Variants in NINL observed in about 807,000 individuals in gnomAD.
NINL encodes the protein ninein-like protein.
Under a neutral mutation model 160.3 loss-of-function variants are expected in NINL, and 153 were observed. The ratio of observed to expected loss-of-function variants is 0.95; its 90% CI spans 0.84 to 1.09. The LOEUF (loss-of-function observed/expected upper bound fraction) is 1.09. NINL is among the 50% of genes least tolerant of loss of function. NINL has a pLI of 0.00. For synonymous variants in NINL, 800 were observed against 734.8 expected, an observed-to-expected ratio of 1.09 and a Z score of -1.43; for missense variants, 1,829 against 1,764.0, an observed-to-expected ratio of 1.04 and a Z score of -0.66.
At chr20:25,561,411 G>C (rs1180495347) in intron 1 of NINL, among the ~76,000 whole-genome samples, 4 of 152,202 alleles carry the variant, frequency 2.6e-5, no homozygotes, top group Admixed American at 6.5e-5. Context: ...CGTCTGCCTT[G>C]GCCCCCCAAA....
intron 4 of NINL, among the ~76,000 whole-genome samples, chr20:25,511,883 C>T (rs1327568134): frequency 6.6e-6 from 1 of 152,202 alleles, no homozygotes; most frequent in Non-Finnish European, 1.5e-5. Flanking sequence ...CACCTGGGGG[C>T]CCGACCTGTC....
intron 1 of NINL, among the ~76,000 whole-genome samples, chr20:25,549,004 G>A (rs1285072719): frequency 7.1e-6 from 1 of 141,760 alleles, no homozygotes; most frequent in African/African-American, 2.7e-5. Flanking sequence ...CCTCACCCAG[G>A]GCTGACCCCA....
Position 25,489,831 on chromosome 20 carries a change from C to A in NINL, c.1596+44G>T, listed in dbSNP as rs779660541. ...CCCCCGCCACCCCCACTCTGCCCAG[C>A]AGGCCCTCCCCTCTGGAGGCAGACT... On this transcript the variant is annotated intron_variant, in intron 12 of 23. Transcript: ENST00000278886. 9.6e-6 allele frequency: 15 copies of A among 1,563,076 alleles called. No individual in the cohort carries two copies. The South Asian group carries it at 1.6e-4, about 16-fold the overall frequency.
intron 1 of NINL, among the ~76,000 whole-genome samples, chr20:25,570,694 C>T (rs116208948): frequency 0.25 from 23,348 of 91,624 alleles, 3,094 homozygotes; most frequent in East Asian, 0.62. Context: ...GGCAAGTAGA[C>T]TTTTTTTTTT....
intron 21 of NINL, 66 bp downstream of exon 21, chr20:25,461,456 G>T: frequency 1.1e-6 from 1 of 938,000 alleles, no homozygotes; most frequent in Non-Finnish European, 1.6e-6. Context: ...AACACCGTTG[G>T]CACTGCGGTG....
chr20:25,481,738 G>A, intron 14 of NINL: 1 of 603,286 alleles, frequency 1.7e-6, no homozygotes, highest in Non-Finnish European at 2.9e-6. Flanking sequence ...CCCTGGGGCT[G>A]CCCACCTTCA....
chr20:25,462,274 C>T, intron 20 of NINL, 109 bp downstream of exon 20: 2 of 1,011,668 alleles, frequency 2.0e-6, no homozygotes, highest in Non-Finnish European at 2.8e-6. Context: ...TTGGGAAGTC[C>T]CTCACTTCCC....
chr20:25,470,066 T>C lies in NINL; in HGVS notation c.3278A>G (p.Asn1093Ser). ...TCCCAGATCGTTTTTCAACAAAGTGTTTTCTTCAGAAAGTCTATGGAACTC... is the reference window on the plus strand; with the variant it reads ...TCCCAGATCGTTTTTCAACAAAGTGCTTTCTTCAGAAAGTCTATGGAACTC... ...RLEFHRLSEENTLLKNDLGRV... is the reference protein window; with the variant it reads ...RLEFHRLSEESTLLKNDLGRV... Residue 1093 changes from asparagine to serine, a missense_variant, in exon 18 of 24, where the codon AAC becomes AGC. Coordinates refer to ENST00000278886, the MANE Select transcript of NINL (RefSeq NM_025176.6). 1 of 1,614,122 alleles carries C rather than the reference T, an allele frequency of 6.2e-7. No homozygotes were observed. The highest frequency in any genetic ancestry group is 8.5e-7 in the Non-Finnish European group (1 of 1,180,006).
At chr20:25,461,039 G>A (rs542903371) in intron 21 of NINL, among the ~76,000 whole-genome samples, 259 of 152,222 alleles carry the variant, frequency 1.7e-3, no homozygotes, top group African/African-American at 5.6e-3. Context: ...TGTCTGTCCC[G>A]GACCACGAGC....
At chr20:25,498,780 C>A (rs911972009) in intron 8 of NINL, among the ~76,000 whole-genome samples, 1 of 152,182 alleles carries the variant, frequency 6.6e-6, no homozygotes, top group African/African-American at 2.4e-5. Flanking sequence ...CCAAGAAGAG[C>A]GTGGAGAGAT....
At chr20:25,525,194 C>T (rs2064335650) in intron 2 of NINL, among the ~76,000 whole-genome samples, 1 of 152,170 alleles carries the variant, frequency 6.6e-6, no homozygotes, top group Admixed American at 6.5e-5. Context: ...AGGCACAGTG[C>T]CCTGCTGACA....
At chr20:25,497,884 T>G (rs1462487702) in intron 9 of NINL, among the ~76,000 whole-genome samples, 1 of 152,086 alleles carries the variant, frequency 6.6e-6, no homozygotes, top group Non-Finnish European at 1.5e-5. Flanking sequence ...CCCAAGCACC[T>G]CAACAAGTGG....
intron 1 of NINL, among the ~76,000 whole-genome samples, chr20:25,530,999 G>A (rs1171623286): frequency 3.3e-5 from 5 of 152,000 alleles, no homozygotes; most frequent in African/African-American, 1.2e-4. Flanking sequence ...CGCTACGGGA[G>A]ACTGGAGCTT....
At chr20:25,495,989 C>A (rs1268097574) in intron 10 of NINL, among the ~76,000 whole-genome samples, 2 of 152,040 alleles carry the variant, frequency 1.3e-5, no homozygotes, top group Non-Finnish European at 2.9e-5. Flanking sequence ...ACTAAAAATA[C>A]AAAAATTAGC....
intron 19 of NINL, among the ~76,000 whole-genome samples, chr20:25,463,662 G>A (rs181222263): frequency 3.3e-5 from 5 of 152,322 alleles, no homozygotes; most frequent in Admixed American, 6.5e-5. Flanking sequence ...TGGGGGTTTG[G>A]AGTGATGTCC....
chr20:25,473,992 T>C (rs2063172054), intron 17 of NINL, among the ~76,000 whole-genome samples: 2 of 152,234 alleles, frequency 1.3e-5, no homozygotes, highest in African/African-American at 4.8e-5. Flanking sequence ...CTACTGTGGA[T>C]GGCACAATAC....
At chr20:25,578,903 G>A (rs1017759388) in intron 1 of NINL, among the ~76,000 whole-genome samples, 1 of 152,022 alleles carries the variant, frequency 6.6e-6, no homozygotes, top group Admixed American at 6.6e-5. Context: ...AGCTACTTGG[G>A]AGGCTGAGGT....
intron 19 of NINL, among the ~76,000 whole-genome samples, chr20:25,466,772 C>G (rs1361059895): frequency 6.6e-6 from 1 of 151,910 alleles, no homozygotes; most frequent in Non-Finnish European, 1.5e-5. Flanking sequence ...TGCACTCCAG[C>G]CTGGGTGACA....
Position 25,476,810 on chromosome 20 carries a change from C to T in NINL, c.2481G>A (p.Gln827=). 2 of 1,613,104 alleles carry T rather than the reference C, an allele frequency of 1.2e-6. No individual in the cohort carries two copies. The highest frequency in any genetic ancestry group is 1.7e-6 in the Non-Finnish European group (2 of 1,179,938). ...VDGPSLEAEM[Q]ALPKDGLVAG... is the part of the protein sequence containing the mutation. ...CCACCAGCCCATCTTTCGGCAGGGCCTGCATCTCTGCTTCCAGGGAGGGCC... is the reference window on the plus strand; with the variant it reads ...CCACCAGCCCATCTTTCGGCAGGGCTTGCATCTCTGCTTCCAGGGAGGGCC... Residue 827 remains glutamine, a synonymous_variant, in exon 17 of 24, where the codon CAG becomes CAA. Coordinates refer to ENST00000278886, the MANE Select transcript of NINL (RefSeq NM_025176.6).
Sources: gnomAD v4.1 joint callset for allele counts (sites outside exome capture counted in the v4.1 genomes callset) on GRCh38, gnomAD v4.1.1 for gene constraint, MANE v1.5 for transcripts, NCBI Gene and HGNC (gene_info 2026-07-23, HGNC 2026-07-21) for gene names.